Variants in USP44 observed in about 807,000 individuals in gnomAD.
The protein encoded by USP44 is ubiquitin specific peptidase 44, also known as ubiquitin carboxyl-terminal hydrolase 44.
Under a neutral mutation model 69.0 loss-of-function variants are expected in USP44, and 61 were observed. That is an observed-to-expected ratio of 0.88 (90% CI 0.72 to 1.09). The LOEUF (loss-of-function observed/expected upper bound fraction) is 1.09, where lower values mean the gene tolerates loss of function less well. USP44 is among the 50% of genes least tolerant of loss of function. The probability of loss-of-function intolerance (pLI) is 0.00; values close to 1 mark genes in which losing one functional copy is unlikely to be tolerated. For synonymous variants in USP44, 297 were observed against 295.4 expected (o/e 1.01, Z -0.06); for missense variants, 753 against 849.9 (o/e 0.89, Z 1.42).
intron 1 of USP44, among the ~76,000 whole-genome samples, chr12:95,542,373 T>A (rs2077417418): frequency 1.3e-5 from 2 of 152,188 alleles, no homozygotes; most frequent in African/African-American, 2.4e-5. Flanking sequence ...TTTATGAAGA[T>A]TGTATAGATG....
intron 5 of USP44, among the ~76,000 whole-genome samples, chr12:95,519,185 AC>A (rs2076568014): frequency 6.6e-6 from 1 of 151,402 alleles, no homozygotes. Flanking sequence ...AGATAGTGAC[AC>A]CTTTGTTTGC....
At chr12:95,527,102 T>C (rs2076864697) in intron 3 of USP44, among the ~76,000 whole-genome samples, 1 of 151,560 alleles carries the variant, frequency 6.6e-6, no homozygotes, top group South Asian at 2.1e-4. Flanking sequence ...TCATTCTTTT[T>C]TTTTTTTTTT....
chr12:95,542,630 T>G (rs972715142), intron 1 of USP44, among the ~76,000 whole-genome samples: 4 of 151,736 alleles, frequency 2.6e-5, no homozygotes, highest in African/African-American at 9.7e-5. Flanking sequence ...GTTGTGGTGG[T>G]GGGCACCCAT....
chr12:95,524,153 T>G (rs1342971780), intron 4 of USP44, among the ~76,000 whole-genome samples: 1 of 152,062 alleles, frequency 6.6e-6, no homozygotes, highest in Non-Finnish European at 1.5e-5. Context: ...CGATATCGGC[T>G]CACTGCAACC....
chr12:95,549,341 G>GA (rs2077680196), intron 1 of USP44, among the ~76,000 whole-genome samples: 1 of 152,170 alleles, frequency 6.6e-6, no homozygotes, highest in African/African-American at 2.4e-5. Flanking sequence ...AGAAGGGCGA[G>GA]AGAGGTTCCA....
At chr12:95,544,048 CTTTTTT>C (rs1191045599) in intron 1 of USP44, among the ~76,000 whole-genome samples, 12,283 of 96,844 alleles carry the variant, frequency 0.13, 803 homozygotes, top group East Asian at 0.32. Context: ...TTTTAGTTAT[CTTTTTT>C]TTTTTTTTTT....
At chr12:95,529,072 G>T (rs1224259016) in intron 2 of USP44, 70 bp from the exon 3 acceptor site, 5 of 1,340,682 alleles carry the variant, frequency 3.7e-6, no homozygotes, top group Non-Finnish European at 4.9e-6. Context: ...TTCACTAGAG[G>T]TCACTGCCAC....
At position 95,518,155 on chromosome 12, in the gene USP44, C is replaced by G. The variant is rs374299812; in HGVS notation, c.2138G>C (p.Ter713SerextTer10). ...GAAGAAAACCCCATTGTCTTTGGATCAGCTAAGGATTTCATTAGACGAGGT... is the reference window on the plus strand; with the variant it reads ...GAAGAAAACCCCATTGTCTTTGGATGAGCTAAGGATTTCATTAGACGAGGT... The part of the protein sequence containing the change: ...ADTSSNEILS[*>S] Residue 713 changes from the stop codon to serine (S), a stop_lost, in exon 6 of 6, where the codon TGA (stop) becomes TCA (serine). Coordinates refer to ENST00000258499, the MANE Select transcript of USP44 (RefSeq NM_032147.5). 6.2e-7 allele frequency: 1 copy of G among 1,614,034 alleles called. No homozygotes were observed.
chr12:95,543,500 G>GAA (rs2077463811), intron 1 of USP44, among the ~76,000 whole-genome samples: 1 of 147,916 alleles, frequency 6.8e-6, no homozygotes, highest in Non-Finnish European at 1.5e-5. Context: ...AAAAAAAGAA[G>GAA]AAAAAAAGAG....
intron 1 of USP44, chr12:95,546,947 G>A (rs751952621): frequency 6.6e-6 from 1 of 152,306 alleles, no homozygotes; most frequent in Non-Finnish European, 1.5e-5. Context: ...GTTTGGTAGA[G>A]TGGATATGAC....
In USP44 at chr12:95,528,789, C is replaced by A; in HGVS notation, c.1624+18G>T. 1 of 1,603,540 alleles carries A rather than the reference C, an allele frequency of 6.2e-7. No homozygotes were observed. Among genetic ancestry groups the A allele is most frequent in the Admixed American group, 1.7e-5 (1 of 58,548 alleles). On this transcript the variant is annotated intron_variant, in intron 3 of 5. Transcript: ENST00000258499. ...ATCATTCCTAGGAAAGCACCAAGAACACAACGTCTTTACTCACAGTTACAC... is the reference window on the plus strand; with the variant it reads ...ATCATTCCTAGGAAAGCACCAAGAAAACAACGTCTTTACTCACAGTTACAC...
intron 5 of USP44, among the ~76,000 whole-genome samples, chr12:95,519,956 C>T (rs1235971407): frequency 7.9e-6 from 1 of 126,216 alleles, no homozygotes; most frequent in Admixed American, 1.0e-4. Flanking sequence ...TGCAGTGAGC[C>T]GAGATCATGC....
At chr12:95,538,403 C>A (rs923125577) in intron 1 of USP44, among the ~76,000 whole-genome samples, 1 of 151,890 alleles carries the variant, frequency 6.6e-6, no homozygotes, top group East Asian at 1.9e-4. Flanking sequence ...TGCTAGTTTC[C>A]TTCTAGTTGA....
At chr12:95,526,525 C>CT in intron 3 of USP44, among the ~76,000 whole-genome samples, 1 of 152,142 alleles carries the variant, frequency 6.6e-6, no homozygotes, top group Admixed American at 6.5e-5. Flanking sequence ...TGAGCCGAGA[C>CT]TGTGCCACTG....
intron 1 of USP44, among the ~76,000 whole-genome samples, chr12:95,540,221 G>T (rs186749338): frequency 4.0e-5 from 6 of 151,852 alleles, no homozygotes; most frequent in Non-Finnish European, 5.9e-5. Flanking sequence ...GCTTACCTAC[G>T]CAACTTACCT....
In USP44 at chr12:95,548,718, A is replaced by T. The variant is rs1440514093; in HGVS notation, c.-71+2554T>A. ...GCTGCCGTCGCACGTCCGCTCCCGC[A>T]GGGGTCCTCACTCCGCCAATCGCCG... On this transcript the variant is annotated intron_variant, in intron 1 of 5. Coordinates refer to ENST00000258499, the MANE Select transcript of USP44 (RefSeq NM_032147.5). The surrounding 1 kb of genome is among the most constrained non-coding windows in gnomAD (Gnocchi z 4.1). The T allele has an allele frequency of 1.3e-5, 2 of 151,538 alleles. No homozygotes were observed. The highest frequency in any genetic ancestry group is 1.3e-4 in the Admixed American group (2 of 15,224). 9.4% of individuals were successfully genotyped at this position (151,538 alleles called of 1,614,324 possible).
rs757901769 is a variant in USP44, at chr12:95,528,815, T to C, written c.1616A>G (p.Gln539Arg). The change falls in exon 3 of 6, where the codon CAG becomes CGG. Residue 539 changes from glutamine to arginine, a missense_variant. Transcript: ENST00000258499. ...ALEGKIYVCD[Q>R]CNSKRRRFSS... ...ACAACGTCTTTACTCACAGTTACAC[T>C]GGTCACATACGTAGATTTTTCCTTC... The C allele has an allele frequency of 6.2e-7, 1 of 1,613,862 alleles. No homozygotes were observed. The highest frequency in any genetic ancestry group is 2.2e-5 in the East Asian group (1 of 44,840).
chr12:95,520,997 C>A lies in USP44; in HGVS notation c.1939G>T (p.Gly647Trp), dbSNP rs2076641920. The change falls in exon 5 of 6, where the codon GGG (glycine) becomes TGG (tryptophan). Residue 647 changes from glycine (G) to tryptophan (W), a missense_variant and splice_region_variant. Physicochemically the swap from Gly to Trp is radical, Grantham distance 184 (BLOSUM62 -2). Coordinates refer to ENST00000258499, the MANE Select transcript of USP44 (RefSeq NM_032147.5). Reference sequence around the variant, plus strand: ...ATAAAATACTTTTTCTTATCTATACCTCCTTCAGAATTATAGCAGTAGGCA... The same window carrying A: ...ATAAAATACTTTTTCTTATCTATACATCCTTCAGAATTATAGCAGTAGGCA... ...YTAYCYNSEG[G>W]FWVHCNDSKL... The A allele has an allele frequency of 6.2e-7, 1 of 1,613,748 alleles. No homozygotes were observed.
Position 95,534,208 on chromosome 12 carries a change from G to C in USP44, c.49C>G (p.Gln17Glu), listed in dbSNP as rs745517307. ...TGAGGGTTGAGGCTGGAATGGTCTTGAGCAAGCTGCAGCTGCCCAACATGT... is the reference window on the plus strand; with the variant it reads ...TGAGGGTTGAGGCTGGAATGGTCTTCAGCAAGCTGCAGCTGCCCAACATGT... ...CKHVGQLQLA[Q>E]DHSSLNPQKW... The change falls in exon 2 of 6, where the codon CAA becomes GAA. Residue 17 changes from glutamine (Q) to glutamate (E), a missense_variant. Transcript: ENST00000258499. 6.2e-7 allele frequency: 1 copy of C among 1,613,954 alleles called. No individual in the cohort carries two copies. Among genetic ancestry groups the C allele is most frequent in the Non-Finnish European group, 8.5e-7 (1 of 1,179,934 alleles).
Sources: allele counts gnomAD v4.1 joint callset (sites outside exome capture counted in the v4.1 genomes callset), GRCh38; gene constraint gnomAD v4.1.1; non-coding constraint Gnocchi (gnomAD v3.1); transcripts MANE v1.5; gene names NCBI Gene and HGNC (gene_info 2026-07-23, HGNC 2026-07-21).